PAQR8: variants seen among roughly 807,000 people sequenced by gnomAD.
PAQR8 encodes membrane progestin receptor beta.
PAQR8 carries 17 observed loss-of-function variants against 25.2 expected under a neutral mutation model. That is an observed-to-expected ratio of 0.67 (90% confidence interval 0.46 to 1.01). The LOEUF is 1.01. Ranked by LOEUF, PAQR8 falls within the 50% of genes least tolerant of loss-of-function variation. The pLI, the probability that PAQR8 is intolerant of heterozygous loss-of-function variation, is 0.00. For synonymous variants in PAQR8, 204 were observed against 190.6 expected, an observed-to-expected ratio of 1.07 and a Z score of -0.58; for missense variants, 392 against 448.4, an observed-to-expected ratio of 0.87 and a Z score of 1.14.
At chr6:52,375,974 G>T (rs1449585539) in intron 1 of PAQR8, among the ~76,000 whole-genome samples, 1 of 152,202 alleles carries the variant, frequency 6.6e-6, no homozygotes, top group African/African-American at 2.4e-5. Context: ...TGAAGGGGAA[G>T]AAAAGGAATT....
rs1164480723 is a variant in PAQR8, at chr6:52,403,874, T to A, written c.661T>A (p.Phe221Ile). ...ICQVVPAGLA[F>I]ILDISPVAHR... ...TCAAGTGGTGCCAGCAGGTCTGGCT[T>A]TTATCCTAGACATCAGCCCTGTGGC... The change falls in exon 2 of 2, where the codon TTT becomes ATT. Residue 221 changes from phenylalanine to isoleucine, a missense_variant. Coordinates refer to ENST00000442253, the MANE Select transcript of PAQR8 (RefSeq NM_133367.5). 6.2e-7 allele frequency: 1 copy of A among 1,614,212 alleles called. No individual in the cohort carries two copies. Among genetic ancestry groups the A allele is most frequent in the Admixed American group, 1.7e-5 (1 of 60,026 alleles).
intron 1 of PAQR8, among the ~76,000 whole-genome samples, chr6:52,400,720 T>G (rs1406920276): frequency 1.3e-5 from 2 of 152,220 alleles, no homozygotes; most frequent in Non-Finnish European, 2.9e-5. Context: ...CTTTCCCTGT[T>G]TTGGTTGTTT....
intron 1 of PAQR8, chr6:52,373,738 G>GA (rs1554255189): frequency 1.6e-3 from 227 of 144,022 alleles, no homozygotes; most frequent in African/African-American, 5.6e-3. Flanking sequence ...AAAAGGATCT[G>GA]TTTTTTTTTT....
intron 1 of PAQR8, among the ~76,000 whole-genome samples, chr6:52,375,130 T>A (rs1763470549): frequency 6.6e-6 from 1 of 151,964 alleles, no homozygotes; most frequent in Admixed American, 6.6e-5. Context: ...TATAGTAGAG[T>A]CAGCTCGGGG....
chr6:52,402,617 C>CAAAA (rs5876274), intron 1 of PAQR8, among the ~76,000 whole-genome samples: 5,068 of 115,644 alleles, frequency 0.044, 129 homozygotes, highest in African/African-American at 0.095. Flanking sequence ...AACTCTGTCT[C>CAAAA]AAAAAAAAAA....
At position 52,371,676 on chromosome 6, in the gene PAQR8, C is replaced by A. The variant is rs9474213; in HGVS notation, c.-53+9427C>A. On this transcript the variant is annotated intron_variant, in intron 1 of 1. Coordinates refer to ENST00000442253, the MANE Select transcript of PAQR8 (RefSeq NM_133367.5). ...AATTCCAAAGGAGGTAATAATATAT[C>A]CATGCATATGTAAAAGCATACAAAG... is the stretch of plus-strand genomic sequence containing the variant. Among the ~76,000 whole-genome samples, 1,387 of 152,270 alleles carry A rather than the reference C, an allele frequency of 9.1e-3. 26 individuals are homozygous for A. Among genetic ancestry groups the A allele is most frequent in the African/African-American group, 0.031 (1,298 of 41,536 alleles).
At position 52,407,407 on chromosome 6, in the gene PAQR8, C is replaced by G. The variant is rs186355834; in HGVS notation, c.*3129C>G. On this transcript the variant is annotated 3_prime_UTR_variant, in exon 2 of 2. Transcript: ENST00000442253. ...CCATTTCAGCGGAAAGTACTTCACT[C>G]AACAACAATATTCTCAAGAGTCTTC... 6.0e-6 allele frequency: 1 copy of G among 167,026 alleles called. No individual in the cohort carries two copies. The highest frequency in any genetic ancestry group is 2.4e-5 in the African/African-American group (1 of 41,420). 10.3% of individuals were successfully genotyped at this position (167,026 alleles called of 1,614,324 possible).
At chr6:52,366,784 C>A (rs1163278554) in intron 1 of PAQR8, among the ~76,000 whole-genome samples, 1 of 152,024 alleles carries the variant, frequency 6.6e-6, no homozygotes, top group African/African-American at 2.4e-5. Context: ...AAGTCTCCCT[C>A]TGTCACCCAG....
At position 52,406,616 on chromosome 6, in the gene PAQR8, G is replaced by A. The variant is rs1562436310; in HGVS notation, c.*2338G>A. Reference sequence around the variant, plus strand: ...CTTACTCTGTCGCCCAGGCTGGAGTGCAGTGATGCAATCACGGCTCACTGC... The same window carrying A: ...CTTACTCTGTCGCCCAGGCTGGAGTACAGTGATGCAATCACGGCTCACTGC... On this transcript the variant is annotated 3_prime_UTR_variant, in exon 2 of 2. Coordinates refer to ENST00000442253, the MANE Select transcript of PAQR8 (RefSeq NM_133367.5). 1 of 410,956 alleles carries A rather than the reference G, an allele frequency of 2.4e-6. No homozygotes were observed. Among genetic ancestry groups the A allele is most frequent in the Non-Finnish European group, 4.4e-6 (1 of 226,132 alleles). The allele number at this position is 410,956 out of a possible 1,614,324, so 25.5% of individuals were successfully genotyped here.
intron 1 of PAQR8, among the ~76,000 whole-genome samples, chr6:52,381,559 A>C (rs760221952): frequency 6.6e-6 from 1 of 152,224 alleles, no homozygotes; most frequent in Non-Finnish European, 1.5e-5. Context: ...GTGAGCTATG[A>C]CTGTGCCACT....
intron 1 of PAQR8, among the ~76,000 whole-genome samples, chr6:52,388,795 C>CA (rs1763662667): frequency 6.6e-6 from 1 of 152,154 alleles, no homozygotes; most frequent in Non-Finnish European, 1.5e-5. Flanking sequence ...CTTAATAAGA[C>CA]ATGATGAGTT....
At chr6:52,376,125 C>T (rs1336867404) in intron 1 of PAQR8, among the ~76,000 whole-genome samples, 2 of 152,228 alleles carry the variant, frequency 1.3e-5, no homozygotes, top group East Asian at 1.9e-4. Flanking sequence ...TAGTAGTTCT[C>T]TTTTGAAGAA....
chr6:52,380,559 G>A (rs969587931), intron 1 of PAQR8, among the ~76,000 whole-genome samples: 1 of 152,124 alleles, frequency 6.6e-6, no homozygotes, highest in Non-Finnish European at 1.5e-5. Flanking sequence ...AAACACCAAG[G>A]GTTTGATTTC....
Position 52,403,555 on chromosome 6 carries a change from C to G in PAQR8, c.342C>G (p.Leu114=). The G allele has an allele frequency of 1.9e-6, 3 of 1,614,104 alleles. No individual in the cohort carries two copies. Among genetic ancestry groups the G allele is most frequent in the South Asian group, 2.2e-5 (2 of 91,084 alleles). Reference sequence around the variant, plus strand: ...CTACCCACTCCCTGCCTCTGCTCCTCTTCATCCTGTCGTCAATCACTTACC... The same window carrying G: ...CTACCCACTCCCTGCCTCTGCTCCTGTTCATCCTGTCGTCAATCACTTACC... ...WASTHSLPLL[L]FILSSITYLT... The change falls in exon 2 of 2, where the codon CTC becomes CTG. Residue 114 remains leucine, a synonymous_variant. Coordinates refer to ENST00000442253, the MANE Select transcript of PAQR8 (RefSeq NM_133367.5).
At chr6:52,363,939 G>A (rs1763320092) in intron 1 of PAQR8, among the ~76,000 whole-genome samples, 1 of 152,060 alleles carries the variant, frequency 6.6e-6, no homozygotes, top group South Asian at 2.1e-4. Flanking sequence ...TCAATTATTA[G>A]TTAAATGTTG....
intron 1 of PAQR8, 43 bp from the exon 2 acceptor site, chr6:52,403,119 G>C: frequency 1.0e-6 from 1 of 1,003,828 alleles, no homozygotes; most frequent in South Asian, 1.6e-5. Flanking sequence ...AGCTGCATTC[G>C]TGTCTCACTG....
intron 1 of PAQR8, among the ~76,000 whole-genome samples, chr6:52,402,604 T>G (rs1763847073): frequency 2.8e-5 from 3 of 106,712 alleles, no homozygotes; most frequent in African/African-American, 1.2e-4. Context: ...GCAACAAGAG[T>G]GAAACTCTGT....
chr6:52,385,512 T>G lies in PAQR8; in HGVS notation c.-52-17650T>G, dbSNP rs563354547. Among the ~76,000 whole-genome samples, 191 of 152,220 alleles carry G rather than the reference T, an allele frequency of 1.3e-3. 1 individual carries two copies. The highest frequency in any genetic ancestry group is 4.3e-3 in the African/African-American group (179 of 41,528). ...GCCTTGGGGAAGATTTATAACTAAG[T>G]CCTCAAAAGCATCTGCAACAAAAAC... On this transcript the variant is annotated intron_variant, in intron 1 of 1. Transcript: ENST00000442253.
At chr6:52,365,372 A>G (rs1453404242) in intron 1 of PAQR8, among the ~76,000 whole-genome samples, 1 of 152,090 alleles carries the variant, frequency 6.6e-6, no homozygotes, top group Non-Finnish European at 1.5e-5. Context: ...CACAGCTTGA[A>G]TCTTGATCTA....
Sources: gnomAD v4.1 joint callset for allele counts (sites outside exome capture counted in the v4.1 genomes callset) on GRCh38, gnomAD v4.1.1 for gene constraint, MANE v1.5 for transcripts, NCBI Gene and HGNC (gene_info 2026-07-23, HGNC 2026-07-21) for gene names.